Variants in KIAA1549L observed in about 807,000 individuals in gnomAD.
KIAA1549L encodes the protein UPF0606 protein KIAA1549L.
KIAA1549L carries 88 observed loss-of-function variants against 160.7 expected under a neutral mutation model. The observed-to-expected ratio is 0.55, with a 90% CI of 0.46 to 0.65. The LOEUF (loss-of-function observed/expected upper bound fraction) is 0.65, where lower values mean the gene tolerates loss of function less well. Ranked by LOEUF, KIAA1549L falls within the 30% of genes least tolerant of loss-of-function variation. The pLI is 0.00. For synonymous variants in KIAA1549L, 950 were observed against 976.7 expected, an observed-to-expected ratio of 0.97 and a Z score of 0.51; for missense variants, 2,258 against 2,437.5, an observed-to-expected ratio of 0.93 and a Z score of 1.55.
intron 6 of KIAA1549L, among the ~76,000 whole-genome samples, chr11:33,553,847 C>T (rs1038025945): frequency 5.3e-5 from 8 of 152,122 alleles, no homozygotes; most frequent in Non-Finnish European, 1.5e-5. Flanking sequence ...CCTTAAGAAG[C>T]CTCCTTGTGT....
intron 10 of KIAA1549L, among the ~76,000 whole-genome samples, chr11:33,578,598 C>G (rs1164846308): frequency 6.6e-6 from 1 of 152,198 alleles, no homozygotes; most frequent in Non-Finnish European, 1.5e-5. Flanking sequence ...CTTGCTGGCT[C>G]CCATCATTCA....
At chr11:33,434,042 A>G (rs906337696) in intron 1 of KIAA1549L, among the ~76,000 whole-genome samples, 1 of 152,112 alleles carries the variant, frequency 6.6e-6, no homozygotes, top group East Asian at 1.9e-4. Flanking sequence ...CTGCACATGT[A>G]TCCTGCTTAT....
At chr11:33,565,820 C>T (rs1487159873) in intron 8 of KIAA1549L, among the ~76,000 whole-genome samples, 1 of 151,090 alleles carries the variant, frequency 6.6e-6, no homozygotes, top group East Asian at 2.0e-4. Flanking sequence ...GAGTTTGAGA[C>T]CAGTGTGGGC....
At chr11:33,586,738 A>G (rs191513797) in intron 11 of KIAA1549L, among the ~76,000 whole-genome samples, 4 of 152,196 alleles carry the variant, frequency 2.6e-5, no homozygotes, top group East Asian at 1.9e-4. Context: ...GATACTATCT[A>G]TAGGATACCT....
intron 12 of KIAA1549L, among the ~76,000 whole-genome samples, chr11:33,591,768 A>G (rs952022779): frequency 3.3e-5 from 5 of 152,204 alleles, no homozygotes; most frequent in South Asian, 2.1e-4. Flanking sequence ...CAATTTCTCA[A>G]TAGGGGTTTC....
intron 6 of KIAA1549L, among the ~76,000 whole-genome samples, chr11:33,558,216 C>T (rs544888071): frequency 9.6e-4 from 146 of 152,220 alleles, no homozygotes; most frequent in Middle Eastern, 6.8e-3. Context: ...AGTGTCCTGA[C>T]AGGAAAAGGA....
Position 33,567,434 on chromosome 11 carries a change from C to T in KIAA1549L, c.4079-642C>T, listed in dbSNP as rs545450683. Among the ~76,000 whole-genome samples, 92 of 152,292 alleles carry T rather than the reference C, an allele frequency of 6.0e-4. No individual in the cohort carries two copies. In the Middle Eastern group the frequency reaches 0.01, roughly 17 times the overall value. On this transcript the variant is annotated intron_variant, in intron 8 of 20. Transcript: ENST00000658780. The stretch of plus-strand genomic sequence containing the variant: ...GCCATAAGAGATAGCTCACTCTTTC[C>T]ATTCAGCCATCCTCTTCTTGAATGA...
intron 8 of KIAA1549L, among the ~76,000 whole-genome samples, chr11:33,566,016 A>C (rs1306754401): frequency 6.6e-6 from 1 of 152,198 alleles, no homozygotes; most frequent in East Asian, 1.9e-4. Context: ...GCCTCAAAAG[A>C]AAAAAGAAAA....
intron 1 of KIAA1549L, among the ~76,000 whole-genome samples, chr11:33,420,224 GTTTTTTTTTTGTTT>G (rs1850979374): frequency 1.9e-5 from 2 of 104,510 alleles, no homozygotes; most frequent in Non-Finnish European, 3.8e-5. Context: ...GTATCTCAAA[GTTTTTTTTTTGTTT>G]TTTTTTTTTT....
At chr11:33,600,019 C>T (rs73492971) in intron 13 of KIAA1549L, among the ~76,000 whole-genome samples, 1,589 of 151,618 alleles carry the variant, frequency 0.01, 24 homozygotes, top group African/African-American at 0.033. Context: ...CGACTGAAAA[C>T]GGTAAGAGCA....
At chr11:33,496,811 A>G (rs1852831186) in intron 1 of KIAA1549L, among the ~76,000 whole-genome samples, 2 of 152,266 alleles carry the variant, frequency 1.3e-5, no homozygotes, top group Middle Eastern at 3.4e-3. Flanking sequence ...CCAAGCTCCT[A>G]TGGTGACCAT....
At chr11:33,394,920 A>T (rs1850343622) in intron 1 of KIAA1549L, among the ~76,000 whole-genome samples, 1 of 152,202 alleles carries the variant, frequency 6.6e-6, no homozygotes, top group South Asian at 2.1e-4. Context: ...GATGTGTAGC[A>T]TTCTGTGCAC....
At chr11:33,496,109 TC>T (rs1319088903) in intron 1 of KIAA1549L, among the ~76,000 whole-genome samples, 1 of 151,976 alleles carries the variant, frequency 6.6e-6, no homozygotes, top group Non-Finnish European at 1.5e-5. Flanking sequence ...GATTACAGGC[TC>T]CTGCCACTAC....
chr11:33,384,654 T>C (rs138144544), intron 1 of KIAA1549L, among the ~76,000 whole-genome samples: 1 of 152,350 alleles, frequency 6.6e-6, no homozygotes, highest in East Asian at 1.9e-4. Flanking sequence ...GCCATTCTAA[T>C]AGCTGTTTAG....
chr11:33,395,220 A>G (rs1850349094), intron 1 of KIAA1549L, among the ~76,000 whole-genome samples: 1 of 152,238 alleles, frequency 6.6e-6, no homozygotes, highest in Non-Finnish European at 1.5e-5. Context: ...TGCCTAGAGC[A>G]GTCTCTGGCA....
At chr11:33,500,091 AC>A (rs1386946842) in intron 1 of KIAA1549L, among the ~76,000 whole-genome samples, 1 of 152,110 alleles carries the variant, frequency 6.6e-6, no homozygotes, top group African/African-American at 2.4e-5. Context: ...CTCTCACTCA[AC>A]CTGCAGTAAG....
intron 18 of KIAA1549L, among the ~76,000 whole-genome samples, chr11:33,656,823 G>A (rs1400192831): frequency 6.6e-6 from 1 of 152,074 alleles, no homozygotes; most frequent in Non-Finnish European, 1.5e-5. Context: ...GAATAGGAGG[G>A]ACCCCGCTCT....
chr11:33,613,812 G>C (rs920487742), intron 15 of KIAA1549L, among the ~76,000 whole-genome samples: 1 of 152,056 alleles, frequency 6.6e-6, no homozygotes, highest in East Asian at 1.9e-4. Flanking sequence ...TCCAAATGTT[G>C]ACTCATCACT....
intron 5 of KIAA1549L, among the ~76,000 whole-genome samples, chr11:33,551,655 G>A (rs745950113): frequency 3.9e-5 from 6 of 152,020 alleles, no homozygotes; most frequent in Non-Finnish European, 7.4e-5. Flanking sequence ...TTAGGTCTTC[G>A]AATATATTTT....
Sources: allele counts gnomAD v4.1 joint callset (sites outside exome capture counted in the v4.1 genomes callset), GRCh38; gene constraint gnomAD v4.1.1; transcripts MANE v1.5; gene names NCBI Gene and HGNC (gene_info 2026-07-23, HGNC 2026-07-21).